Variants in SGCG observed in about 807,000 individuals in gnomAD.
SGCG encodes the protein sarcoglycan gamma, also known as gamma-sarcoglycan.
Under a neutral mutation model 29.3 loss-of-function variants are expected in SGCG, and 26 were observed. The observed-to-expected ratio is 0.89, with a 90% confidence interval of 0.65 to 1.23. SGCG has a LOEUF of 1.23. SGCG is among the 50% of genes most tolerant of loss of function. The pLI, the probability that SGCG is intolerant of heterozygous loss-of-function variation, is 0.00. For synonymous variants in SGCG, 145 were observed against 129.7 expected (o/e 1.12, Z -0.80); for missense variants, 353 against 356.0 (o/e 0.99, Z 0.07).
chr13:23,321,819 C>G (rs2137530025), intron 7 of SGCG, among the ~76,000 whole-genome samples: 2 of 152,210 alleles, frequency 1.3e-5, no homozygotes, highest in South Asian at 2.1e-4. Context: ...AGGGGAGGAG[C>G]TGCTAAAACC....
At chr13:23,274,077 G>A (rs937314143) in intron 4 of SGCG, among the ~76,000 whole-genome samples, 6 of 152,170 alleles carry the variant, frequency 3.9e-5, no homozygotes, top group African/African-American at 1.4e-4. Context: ...TTATGTCTGT[G>A]TTGTGGGTTG....
At chr13:23,319,411 C>T (rs2137525676) in intron 6 of SGCG, among the ~76,000 whole-genome samples, 1 of 152,220 alleles carries the variant, frequency 6.6e-6, no homozygotes, top group East Asian at 1.9e-4. Flanking sequence ...ATAAATGTCT[C>T]TAAGCGTTTT....
At chr13:23,166,613 T>A in the SGCG span, among the ~76,000 whole-genome samples, 1 of 152,198 alleles carries the variant, frequency 6.6e-6, no homozygotes, top group African/African-American at 2.4e-5. Context: ...GACTTTTCTG[T>A]TTGTTCAGTT....
chr13:23,189,331 C>T lies in SGCG; in HGVS notation c.-1+8256C>T, dbSNP rs143376399. Among the ~76,000 whole-genome samples, 192 of 152,260 alleles carry T rather than the reference C, an allele frequency of 1.3e-3. 1 individual carries two copies. The highest frequency in any genetic ancestry group is 4.5e-3 in the African/African-American group (187 of 41,548). ...AGCTGGGACTATAGGTGCATGCCAC[C>T]ACGCCTGGCTATTTTTTGTATTTTT... is the stretch of plus-strand genomic sequence containing the variant. On this transcript the variant is annotated intron_variant, in intron 1 of 7. Transcript: ENST00000218867.
chr13:23,163,446 A>T, the SGCG span, among the ~76,000 whole-genome samples: 1 of 152,178 alleles, frequency 6.6e-6, no homozygotes, highest in African/African-American at 2.4e-5. Context: ...ATTTGGACTC[A>T]ATTTCAATTA....
At chr13:23,250,420 G>A (rs1386246053) in intron 3 of SGCG, among the ~76,000 whole-genome samples, 5 of 151,750 alleles carry the variant, frequency 3.3e-5, no homozygotes, top group African/African-American at 9.7e-5. Flanking sequence ...TTTTATGATT[G>A]TTATTCTTTT....
Position 23,319,234 on chromosome 13 carries a change from G to A in SGCG, c.579-1403G>A, listed in dbSNP as rs145934581. Among the ~76,000 whole-genome samples, 33 of 151,524 alleles carry A rather than the reference G, an allele frequency of 2.2e-4. No individual in the cohort carries two copies. The East Asian group carries it at 6.3e-3, about 29-fold the overall frequency. ...AATCGCCTGAAGCCAGGAGGTTGTG[G>A]TTGCAGTGAGCCAAGACCACACCAC... On this transcript the variant is annotated intron_variant, in intron 6 of 7. Transcript: ENST00000218867.
At chr13:23,239,232 A>T (rs965953928) in intron 3 of SGCG, among the ~76,000 whole-genome samples, 1 of 152,146 alleles carries the variant, frequency 6.6e-6, no homozygotes, top group East Asian at 1.9e-4. Context: ...TAGCTAGAGA[A>T]AAAGGATATA....
intron 3 of SGCG, among the ~76,000 whole-genome samples, chr13:23,239,591 A>C (rs923386345): frequency 3.3e-5 from 5 of 152,226 alleles, no homozygotes; most frequent in Non-Finnish European, 7.4e-5. Context: ...AATAATTTTA[A>C]AAAATGTTAG....
In SGCG at chr13:23,279,378, C is replaced by T. The variant is rs771962643; in HGVS notation, c.405C>T (p.Val135=). The change falls in exon 5 of 8, where the codon GTC becomes GTT. Residue 135 remains valine, a synonymous_variant. Transcript: ENST00000218867. ...RLKVGPKMVE[V]QNQQFQINSN... Reference sequence around the variant, plus strand: ...CTTCAGGTCCCAAAATGGTAGAAGTCCAGAATCAACAGTTTCAGATCAACT... The same window carrying T: ...CTTCAGGTCCCAAAATGGTAGAAGTTCAGAATCAACAGTTTCAGATCAACT... 6.8e-6 allele frequency: 11 copies of T among 1,613,004 alleles called. No individual in the cohort carries two copies. The highest frequency in any genetic ancestry group is 8.5e-6 in the Non-Finnish European group (10 of 1,179,368).
chr13:23,188,643 C>T (rs1356081802), intron 1 of SGCG, among the ~76,000 whole-genome samples: 1 of 151,910 alleles, frequency 6.6e-6, no homozygotes, highest in African/African-American at 2.4e-5. Flanking sequence ...ACATATTTGT[C>T]GCATTCACTC....
chr13:23,207,293 C>T (rs1878018459), intron 2 of SGCG, among the ~76,000 whole-genome samples: 1 of 152,154 alleles, frequency 6.6e-6, no homozygotes, highest in Admixed American at 6.5e-5. Flanking sequence ...GGACCCTTAT[C>T]TTAAACCATA....
chr13:23,233,736 C>A (rs191298432), intron 2 of SGCG, among the ~76,000 whole-genome samples: 1 of 152,182 alleles, frequency 6.6e-6, no homozygotes, highest in East Asian at 1.9e-4. Context: ...GATAAGCCTC[C>A]AAACTGAAAT....
chr13:23,324,320 C>T, intron 7 of SGCG, 48 bp from the exon 8 acceptor site: 2 of 1,570,798 alleles, frequency 1.3e-6, no homozygotes, highest in Non-Finnish European at 1.8e-6. Flanking sequence ...TGCTGCTGAC[C>T]AGGGTGGCCC....
chr13:23,270,633 G>A (rs906534779), intron 4 of SGCG, among the ~76,000 whole-genome samples: 8 of 152,120 alleles, frequency 5.3e-5, no homozygotes, highest in African/African-American at 1.4e-4. Context: ...TTAAGTTGTC[G>A]TCTAACTTAA....
intron 6 of SGCG, among the ~76,000 whole-genome samples, chr13:23,305,949 G>C (rs184615762): frequency 3.3e-5 from 5 of 152,246 alleles, no homozygotes; most frequent in African/African-American, 1.2e-4. Flanking sequence ...TCAGCTTACT[G>C]CAGCCTCCAG....
At chr13:23,287,461 T>G (rs1280730267) in intron 5 of SGCG, among the ~76,000 whole-genome samples, 1 of 152,118 alleles carries the variant, frequency 6.6e-6, no homozygotes, top group Non-Finnish European at 1.5e-5. Flanking sequence ...GCCCTGGGCT[T>G]CCAGACGAGA....
At chr13:23,261,466 A>C (rs572571938) in intron 4 of SGCG, among the ~76,000 whole-genome samples, 1 of 152,114 alleles carries the variant, frequency 6.6e-6, no homozygotes, top group Non-Finnish European at 1.5e-5. Flanking sequence ...ATAAAGAAAA[A>C]CAAATTTAAA....
At chr13:23,314,317 G>T (rs188072765) in intron 6 of SGCG, among the ~76,000 whole-genome samples, 1 of 139,160 alleles carries the variant, frequency 7.2e-6, no homozygotes, top group African/African-American at 2.7e-5. Flanking sequence ...ATGGACATCT[G>T]TGTTTACTTC....
Sources: gnomAD v4.1 joint callset for allele counts (sites outside exome capture counted in the v4.1 genomes callset) on GRCh38, gnomAD v4.1.1 for gene constraint, MANE v1.5 for transcripts, NCBI Gene and HGNC (gene_info 2026-07-23, HGNC 2026-07-21) for gene names.